The following SLC35F4 variants were observed in gnomAD, a reference collection of about 807,000 sequenced individuals.
SLC35F4 encodes the protein solute carrier family 35 member F4.
SLC35F4 carries 24 observed loss-of-function variants against 44.2 expected under a neutral mutation model. The ratio of observed to expected loss-of-function variants is 0.54; its 90% confidence interval spans 0.39 to 0.76. The LOEUF (loss-of-function observed/expected upper bound fraction) is 0.76, where lower values mean the gene tolerates loss of function less well. SLC35F4 is among the 30% of genes least tolerant of loss of function. The pLI is 0.00. For missense variants in SLC35F4, 562 were observed against 586.1 expected (o/e 0.96, Z 0.42); for synonymous variants, 238 against 223.6 (o/e 1.06, Z -0.57).
At chr14:57,574,642 T>C (rs2068686556) in intron 4 of SLC35F4, among the ~76,000 whole-genome samples, 1 of 152,238 alleles carries the variant, frequency 6.6e-6, no homozygotes, top group Admixed American at 6.5e-5. Context: ...TCTATGGCTA[T>C]ATTTTAAGAA....
chr14:57,611,274 T>C (rs754301275), intron 1 of SLC35F4, among the ~76,000 whole-genome samples: 19 of 152,108 alleles, frequency 1.2e-4, no homozygotes, highest in Middle Eastern at 3.2e-3. Context: ...TGAGGGGGGA[T>C]ATCAAGGTAC....
At chr14:57,642,892 G>A (rs2073315422) in intron 1 of SLC35F4, among the ~76,000 whole-genome samples, 1 of 151,834 alleles carries the variant, frequency 6.6e-6, no homozygotes, top group African/African-American at 2.4e-5. Context: ...CATTTATTTA[G>A]TCTGGTTGCT....
chr14:57,678,809 G>A (rs1438787097), intron 1 of SLC35F4, among the ~76,000 whole-genome samples: 1 of 152,042 alleles, frequency 6.6e-6, no homozygotes, highest in East Asian at 1.9e-4. Context: ...ATGGATCAAT[G>A]CAACAAGAAG....
intron 1 of SLC35F4, chr14:57,596,963 G>A (rs1276490639): frequency 6.3e-6 from 7 of 1,119,898 alleles, no homozygotes; most frequent in South Asian, 4.1e-5. Context: ...ACCTGGAGAC[G>A]TATTCAGGGG....
At chr14:57,794,424 C>T (rs2078004653) in intron 1 of SLC35F4, among the ~76,000 whole-genome samples, 1 of 151,816 alleles carries the variant, frequency 6.6e-6, no homozygotes, top group African/African-American at 2.4e-5. Flanking sequence ...ATACAAATGG[C>T]CAACAAACAT....
chr14:57,774,963 G>A (rs564159514), intron 1 of SLC35F4, among the ~76,000 whole-genome samples: 1 of 152,194 alleles, frequency 6.6e-6, no homozygotes, highest in South Asian at 2.1e-4. Flanking sequence ...CACCACCATT[G>A]TCATTGGAAC....
chr14:57,735,582 C>A (rs771005406), intron 1 of SLC35F4, among the ~76,000 whole-genome samples: 1 of 152,176 alleles, frequency 6.6e-6, no homozygotes, highest in Non-Finnish European at 1.5e-5. Flanking sequence ...ATGACTGTCT[C>A]AGGGCAATGC....
At chr14:57,816,628 A>G (rs374288908) in intron 1 of SLC35F4, among the ~76,000 whole-genome samples, 7 of 152,374 alleles carry the variant, frequency 4.6e-5, no homozygotes, top group African/African-American at 1.7e-4. Flanking sequence ...AACGCTGTAT[A>G]TTCATAAGCT....
intron 1 of SLC35F4, among the ~76,000 whole-genome samples, chr14:57,937,037 G>A (rs964611786): frequency 2.0e-5 from 3 of 150,228 alleles, no homozygotes; most frequent in Admixed American, 6.7e-5. Flanking sequence ...ACATTTAGCA[G>A]CAGGAAATTA....
chr14:57,739,711 C>T (rs541128106), intron 1 of SLC35F4, among the ~76,000 whole-genome samples: 1 of 152,144 alleles, frequency 6.6e-6, no homozygotes, highest in African/African-American at 2.4e-5. Flanking sequence ...TTGAAACCTG[C>T]CCATGCCATT....
chr14:57,781,487 T>C (rs755009676), intron 1 of SLC35F4, among the ~76,000 whole-genome samples: 3 of 152,152 alleles, frequency 2.0e-5, no homozygotes, highest in Non-Finnish European at 2.9e-5. Context: ...AGTTCAACCA[T>C]TGTAGAAAGC....
At chr14:57,579,205 A>C (rs2069049981) in intron 4 of SLC35F4, among the ~76,000 whole-genome samples, 1 of 152,198 alleles carries the variant, frequency 6.6e-6, no homozygotes, top group African/African-American at 2.4e-5. Flanking sequence ...AATATCTGCA[A>C]GGACCCTTTA....
intron 3 of SLC35F4, among the ~76,000 whole-genome samples, chr14:57,583,551 C>T (rs1358692353): frequency 1.3e-5 from 2 of 152,132 alleles, no homozygotes; most frequent in African/African-American, 4.8e-5. Context: ...CAGGGAAGAC[C>T]AACAGATGTG....
intron 1 of SLC35F4, chr14:57,604,370 T>C (rs2071022290): frequency 6.6e-6 from 1 of 152,164 alleles, no homozygotes; most frequent in Non-Finnish European, 1.5e-5. Flanking sequence ...GAAAATGCTA[T>C]GCTGTATTCC....
intron 1 of SLC35F4, among the ~76,000 whole-genome samples, chr14:57,616,582 G>C (rs2071843809): frequency 2.6e-5 from 4 of 152,134 alleles, no homozygotes; most frequent in South Asian, 4.1e-4. Context: ...TGTATGAATT[G>C]GGTGGGCTGG....
intron 1 of SLC35F4, among the ~76,000 whole-genome samples, chr14:57,929,964 C>G (rs563281658): frequency 6.6e-6 from 1 of 152,230 alleles, no homozygotes; most frequent in East Asian, 1.9e-4. Flanking sequence ...CCCCTAGCAA[C>G]CTACTTTTCT....
chr14:57,736,634 C>T (rs995683739), intron 1 of SLC35F4, among the ~76,000 whole-genome samples: 3 of 152,180 alleles, frequency 2.0e-5, no homozygotes, highest in East Asian at 1.9e-4. Flanking sequence ...GACTGGTACT[C>T]AGAAAACTGG....
chr14:57,869,660 A>C (rs1045054358), upstream of SLC35F4, among the ~76,000 whole-genome samples: 4 of 152,218 alleles, frequency 2.6e-5, no homozygotes, highest in Non-Finnish European at 4.4e-5. Context: ...TTTATAGTCA[A>C]GGGCCAATGT....
At chr14:57,871,037 C>A (rs950604051), upstream of SLC35F4, among the ~76,000 whole-genome samples, 1 of 152,146 alleles carries the variant, frequency 6.6e-6, no homozygotes, top group Non-Finnish European at 1.5e-5. Flanking sequence ...GCTGTTAATC[C>A]CCAGGTGTGG....
Sources: allele counts gnomAD v4.1 joint callset (sites outside exome capture counted in the v4.1 genomes callset), GRCh38; gene constraint gnomAD v4.1.1; transcripts MANE v1.5; gene names NCBI Gene and HGNC (gene_info 2026-07-23, HGNC 2026-07-21).